ALK: variants seen among roughly 807,000 people sequenced by gnomAD.
The protein encoded by ALK is ALK tyrosine kinase receptor.
Under a neutral mutation model 163.1 loss-of-function variants are expected in ALK, and 74 were observed. The observed-to-expected ratio is 0.45, with a 90% CI of 0.38 to 0.55. The LOEUF (loss-of-function observed/expected upper bound fraction) is 0.55, where lower values mean the gene tolerates loss of function less well. Among genes scored for constraint, ALK ranks in the 20% least tolerant of loss-of-function variants. ALK has a pLI of 0.00. For missense variants in ALK, 2,063 were observed against 2,105.3 expected, an observed-to-expected ratio of 0.98 and a Z score of 0.39; for synonymous variants, 960 against 843.2, an observed-to-expected ratio of 1.14 and a Z score of -2.40.
At chr2:29,349,163 C>A (rs564028933) in intron 5 of ALK, among the ~76,000 whole-genome samples, 3 of 152,294 alleles carry the variant, frequency 2.0e-5, no homozygotes, top group Admixed American at 2.0e-4. Flanking sequence ...TGCAGGGTCG[C>A]CCTCTCCATC....
In ALK at chr2:29,920,652, G is replaced by T; in HGVS notation, c.8C>A (p.Ala3Asp). The change falls in exon 1 of 29, where the codon GCC (alanine) becomes GAC (aspartate). Residue 3 changes from alanine (A) to aspartate (D), a missense_variant. Ala to Asp is a moderately radical substitution (Grantham distance 126). Transcript: ENST00000389048. ...CGGCAGGAGCCACAGGAGCCCGATGGCTCCCATCCCGCCGGAGGAGGCCGT... is the reference window on the plus strand; with the variant it reads ...CGGCAGGAGCCACAGGAGCCCGATGTCTCCCATCCCGCCGGAGGAGGCCGT... Reference protein sequence around the residue: MGAIGLLWLLPLL... With the variant: MGDIGLLWLLPLL... The T allele has an allele frequency of 6.5e-7, 1 of 1,536,776 alleles. No individual in the cohort carries two copies. Among genetic ancestry groups the T allele is most frequent in the South Asian group, 1.2e-5 (1 of 84,228 alleles).
At chr2:29,466,088 G>A (rs1671203518) in intron 4 of ALK, among the ~76,000 whole-genome samples, 1 of 152,090 alleles carries the variant, frequency 6.6e-6, no homozygotes, top group Admixed American at 6.5e-5. Flanking sequence ...AAAAAAGAAA[G>A]ATATAGTTAA....
intron 1 of ALK, among the ~76,000 whole-genome samples, chr2:29,858,061 G>GCA (rs1435233351): frequency 1.4e-4 from 1 of 7,264 alleles, no homozygotes; most frequent in Non-Finnish European, 4.2e-4. Flanking sequence ...GTGTGTGCAT[G>GCA]TGTGTGTGTG....
intron 1 of ALK, among the ~76,000 whole-genome samples, chr2:29,829,372 T>C (rs1483472805): frequency 2.0e-5 from 3 of 152,086 alleles, no homozygotes; most frequent in Admixed American, 1.3e-4. Context: ...ACCATATTCT[T>C]TGTGCCTTCT....
chr2:29,510,176 T>G (rs944015787), intron 4 of ALK, among the ~76,000 whole-genome samples: 5 of 152,200 alleles, frequency 3.3e-5, no homozygotes, highest in Non-Finnish European at 7.3e-5. Context: ...TGACTCCATT[T>G]CTTTCATCCC....
intron 4 of ALK, among the ~76,000 whole-genome samples, chr2:29,408,081 CTTTTTCTT>C (rs1299057169): frequency 1.4e-5 from 2 of 140,850 alleles, no homozygotes; most frequent in African/African-American, 2.8e-5. Context: ...AGGGAAAGTT[CTTTTTCTT>C]TTTTTTTTTT....
At chr2:29,280,277 C>T (rs1665675190) in intron 9 of ALK, among the ~76,000 whole-genome samples, 1 of 150,654 alleles carries the variant, frequency 6.6e-6, no homozygotes, top group Non-Finnish European at 1.5e-5. Context: ...GTAGTCCATT[C>T]TGGGATTGAG....
chr2:29,394,372 A>G (rs1285810571), intron 4 of ALK, among the ~76,000 whole-genome samples: 2 of 152,042 alleles, frequency 1.3e-5, no homozygotes, highest in African/African-American at 4.8e-5. Context: ...AAGACTTCTA[A>G]TCAAGAGTAG....
At position 29,222,562 on chromosome 2, in the gene ALK, C is replaced by T. The variant is rs773665287; in HGVS notation, c.3405G>A (p.Val1135=). ...GAFGEVYEGQ[V]SGMPNDPSPL... ...GGCTTGGGTCGTTGGGCATTCCGGA[C>T]ACCTGGCCTTCATACACCTCCCCAA... The change falls in exon 21 of 29, where the codon GTG becomes GTA. Residue 1135 remains valine (V), a synonymous_variant. Coordinates refer to ENST00000389048, the MANE Select transcript of ALK (RefSeq NM_004304.5). The T allele has an allele frequency of 4.3e-6, 7 of 1,614,086 alleles. No individual in the cohort carries two copies. The highest frequency in any genetic ancestry group is 1.3e-5 in the African/African-American group (1 of 74,970).
At chr2:29,634,506 A>C (rs1328565484) in intron 3 of ALK, among the ~76,000 whole-genome samples, 1 of 152,214 alleles carries the variant, frequency 6.6e-6, no homozygotes, top group Non-Finnish European at 1.5e-5. Context: ...TACCATATTG[A>C]CAAGCTAAAG....
At chr2:29,508,306 G>A (rs1038043701) in intron 4 of ALK, among the ~76,000 whole-genome samples, 2 of 152,104 alleles carry the variant, frequency 1.3e-5, no homozygotes, top group African/African-American at 2.4e-5. Flanking sequence ...CAGTATAGGC[G>A]TCAGCTTGTT....
At chr2:29,366,797 G>A (rs1355954971) in intron 5 of ALK, among the ~76,000 whole-genome samples, 1 of 152,228 alleles carries the variant, frequency 6.6e-6, no homozygotes, top group Non-Finnish European at 1.5e-5. Flanking sequence ...GGAAAAAATT[G>A]CCAAGTGTCA....
chr2:29,308,280 T>C lies in ALK; in HGVS notation c.1647+10024A>G, dbSNP rs531926556. Among the ~76,000 whole-genome samples, 21 of 152,342 alleles carry C rather than the reference T, an allele frequency of 1.4e-4. No homozygotes were observed. In the South Asian group the frequency reaches 3.9e-3, roughly 29 times the overall value. On this transcript the variant is annotated intron_variant, in intron 8 of 28. Coordinates refer to ENST00000389048, the MANE Select transcript of ALK (RefSeq NM_004304.5). ...CTATAGCAAAGCTCAAATCTAAATC[T>C]ATCTGTCTGGAAGGAAATGTACCAA...
At chr2:29,885,866 T>G (rs1372983305) in intron 1 of ALK, among the ~76,000 whole-genome samples, 3 of 152,212 alleles carry the variant, frequency 2.0e-5, no homozygotes, top group Non-Finnish European at 4.4e-5. Context: ...AGAATTGATA[T>G]TGTATAGAAA....
intron 5 of ALK, among the ~76,000 whole-genome samples, chr2:29,361,819 T>C (rs1424885846): frequency 6.6e-6 from 1 of 152,232 alleles, no homozygotes; most frequent in African/African-American, 2.4e-5. Context: ...TTGGAGGTCC[T>C]GGTTCTTTGT....
At chr2:29,278,984 G>A (rs113849554) in intron 9 of ALK, among the ~76,000 whole-genome samples, 1 of 3,282 alleles carries the variant, frequency 3.0e-4, no homozygotes, top group African/African-American at 3.4e-4. Context: ...GTGCCTGGGG[G>A]GGGGGACAGA....
At chr2:29,199,200 C>T (rs1669098631) in intron 26 of ALK, among the ~76,000 whole-genome samples, 2 of 152,126 alleles carry the variant, frequency 1.3e-5, no homozygotes, top group South Asian at 4.1e-4. Flanking sequence ...GTGATCCACC[C>T]ACCTCGGCCT....
chr2:29,901,235 A>G (rs1667408933), intron 1 of ALK, among the ~76,000 whole-genome samples: 1 of 152,184 alleles, frequency 6.6e-6, no homozygotes, highest in African/African-American at 2.4e-5. Flanking sequence ...TTAGATGAGA[A>G]TGTCTGTAAA....
chr2:29,468,329 T>C (rs1671262910), intron 4 of ALK, among the ~76,000 whole-genome samples: 1 of 152,104 alleles, frequency 6.6e-6, no homozygotes, highest in African/African-American at 2.4e-5. Flanking sequence ...ACCTGGCCAA[T>C]AATTTTTAAT....
Sources: gnomAD v4.1 joint callset for allele counts (sites outside exome capture counted in the v4.1 genomes callset) on GRCh38, gnomAD v4.1.1 for gene constraint, MANE v1.5 for transcripts, NCBI Gene and HGNC (gene_info 2026-07-23, HGNC 2026-07-21) for gene names.